CKMT2: variants seen among roughly 807,000 people sequenced by gnomAD.
CKMT2 encodes the protein creatine kinase S-type, mitochondrial.
CKMT2 carries 43 observed loss-of-function variants against 48.9 expected under a neutral mutation model. That is an observed-to-expected ratio of 0.88 (90% CI 0.69 to 1.13). CKMT2 has a LOEUF of 1.13. Among genes scored for constraint, CKMT2 ranks in the 50% most tolerant of loss-of-function variants. The pLI is 0.00. For missense variants in CKMT2, 472 were observed against 555.4 expected, an observed-to-expected ratio of 0.85 and a Z score of 1.51; for synonymous variants, 206 against 213.0, an observed-to-expected ratio of 0.97 and a Z score of 0.29.
intron 1 of CKMT2, among the ~76,000 whole-genome samples, chr5:81,248,700 G>A (rs1391525143): frequency 6.6e-6 from 1 of 152,170 alleles, no homozygotes; most frequent in Admixed American, 6.5e-5. Flanking sequence ...TGAAAGAATT[G>A]TTTGCAGATA....
rs752637525 is a variant in CKMT2, at chr5:81,259,217, G to A, written c.977G>A (p.Arg326Gln). The A allele has an allele frequency of 4.3e-6, 7 of 1,614,064 alleles. No homozygotes were observed. Among genetic ancestry groups the A allele is most frequent in the South Asian group, 1.1e-5 (1 of 91,064 alleles). The change falls in exon 8 of 10, where the codon CGA becomes CAA. Residue 326 changes from arginine (R) to glutamine (Q), a missense_variant. Arg to Gln is a conservative substitution (Grantham distance 43). Transcript: ENST00000254035. ...TCPSNLGTGL[R>Q]AGVHVRIPKL... ...CCTTCGAACCTTGGAACAGGACTAC[G>A]AGCTGGTGTCCACGTTAGGATCCCA... is the stretch of plus-strand genomic sequence containing the variant.
At chr5:81,242,490 T>C in intron 1 of CKMT2, 2 of 496,926 alleles carry the variant, frequency 4.0e-6, no homozygotes, top group South Asian at 1.6e-5. Context: ...TTTCTTGTCA[T>C]CAACCTTAAT....
rs751646251 is a variant in CKMT2 at position 81,266,284 on chromosome 5, A to AATC, written c.*27_*29dup. On this transcript the variant is annotated 3_prime_UTR_variant, in exon 10 of 10. Transcript: ENST00000254035. ...ACTTTCCCTTTCCCAATTTATAAAT[A>AATC]ATCTGTCTGCTGGTACGACAGACAT... 1 of 1,610,266 alleles carries AATC rather than the reference A, an allele frequency of 6.2e-7. No individual in the cohort carries two copies. The highest frequency in any genetic ancestry group is 8.5e-7 in the Non-Finnish European group (1 of 1,177,162).
rs754984187 is a variant in CKMT2 at position 81,259,126 on chromosome 5, C to A, written c.886C>A (p.Arg296=). Residue 296 remains arginine (R), a synonymous_variant, in exon 8 of 10, where the codon CGG becomes AGG. Coordinates refer to ENST00000254035, the MANE Select transcript of CKMT2 (RefSeq NM_001099735.2). Reference sequence around the variant, plus strand: ...ACTGTGGTTCTACTTGTAGGTAGAACGGTTAATCCAAGAACGAGGCTGGGA... The same window carrying A: ...ACTGTGGTTCTACTTGTAGGTAGAAAGGTTAATCCAAGAACGAGGCTGGGA... ...RFCRGLKEVE[R]LIQERGWEFM... is the part of the protein sequence containing the mutation. 10 of 1,611,934 alleles carry A rather than the reference C, an allele frequency of 6.2e-6. No individual in the cohort carries two copies. The African/African-American group carries it at 8.0e-5, about 13-fold the overall frequency.
At position 81,259,770 on chromosome 5, in the gene CKMT2, TAACA is replaced by T. The variant is rs1383457839; in HGVS notation, c.1014+517_1014+520del. 1.1e-3 allele frequency among the ~76,000 whole-genome samples: 163 copies of T among 152,242 alleles called. 1 individual carries two copies. Among genetic ancestry groups the T allele is most frequent in the East Asian group, 1.7e-3 (9 of 5,184 alleles). Reference sequence around the variant, plus strand: ...CAATGAGACTTAGACTCCCACACAATAACAGTGAGAGACTTTAACACCCCATTGT... The same window carrying T: ...CAATGAGACTTAGACTCCCACACAATGTGAGAGACTTTAACACCCCATTGT... On this transcript the variant is annotated intron_variant, in intron 8 of 9. Coordinates refer to ENST00000254035, the MANE Select transcript of CKMT2 (RefSeq NM_001099735.2).
chr5:81,264,584 C>T (rs539451964), intron 9 of CKMT2, among the ~76,000 whole-genome samples: 1 of 152,156 alleles, frequency 6.6e-6, no homozygotes, highest in Non-Finnish European at 1.5e-5. Flanking sequence ...TATAATACCA[C>T]AACTTCTGAA....
chr5:81,234,942 G>A (rs1756205195), intron 1 of CKMT2, among the ~76,000 whole-genome samples: 1 of 152,150 alleles, frequency 6.6e-6, no homozygotes, highest in South Asian at 2.1e-4. Context: ...CACAGAGCCA[G>A]GAATCCAGCA....
chr5:81,260,089 G>T (rs558133763), intron 8 of CKMT2, among the ~76,000 whole-genome samples: 1 of 152,270 alleles, frequency 6.6e-6, no homozygotes, highest in East Asian at 1.9e-4. Context: ...ACGAATACAT[G>T]GAAATTGAAC....
At chr5:81,254,949 ATGGT>A in intron 4 of CKMT2, 40 bp from the exon 5 acceptor site, 1 of 1,540,382 alleles carries the variant, frequency 6.5e-7, no homozygotes, top group Non-Finnish European at 9.0e-7. Flanking sequence ...TGGCAGGACC[ATGGT>A]CCGAGGCTGG....
intron 7 of CKMT2, among the ~76,000 whole-genome samples, chr5:81,258,511 A>G (rs888331092): frequency 2.0e-5 from 3 of 152,130 alleles, no homozygotes; most frequent in Non-Finnish European, 1.5e-5. Context: ...ACTAACATTC[A>G]TCAAGTGCTT....
intron 1 of CKMT2, among the ~76,000 whole-genome samples, chr5:81,234,046 AC>A (rs1288197661): frequency 1.5e-5 from 2 of 133,236 alleles, no homozygotes; most frequent in Non-Finnish European, 3.2e-5. Flanking sequence ...AAAAAAAAAA[AC>A]CTATGGAATT....
At chr5:81,241,346 T>C (rs900783728) in intron 1 of CKMT2, among the ~76,000 whole-genome samples, 2 of 152,344 alleles carry the variant, frequency 1.3e-5, no homozygotes, top group East Asian at 1.9e-4. Flanking sequence ...AGAAAACTTA[T>C]ATTTTGCTGC....
At chr5:81,261,875 T>C (rs1326871847) in intron 8 of CKMT2, among the ~76,000 whole-genome samples, 1 of 152,136 alleles carries the variant, frequency 6.6e-6, no homozygotes, top group Non-Finnish European at 1.5e-5. Flanking sequence ...AAGGAGCGCA[T>C]ATAGCCAAGT....
chr5:81,249,459 A>C (rs1475164437), intron 1 of CKMT2, among the ~76,000 whole-genome samples: 1 of 152,216 alleles, frequency 6.6e-6, no homozygotes, highest in African/African-American at 2.4e-5. Context: ...CTACTCAAAG[A>C]GCCACATTAC....
At chr5:81,243,289 A>G (rs1756498441) in intron 1 of CKMT2, among the ~76,000 whole-genome samples, 6 of 152,230 alleles carry the variant, frequency 3.9e-5, no homozygotes. Context: ...CTGAGAGAGA[A>G]TGCAGTCATC....
Position 81,257,737 on chromosome 5 carries a change from A to C in CKMT2, c.760A>C (p.Asn254His). ...CCATATTTCTCTCTTCATTAGGCAT[A>C]ATTATGATAAGACATTTCTCATCTG... ...DWPDARGIWH[N>H]YDKTFLIWIN... Residue 254 changes from asparagine (N) to histidine (H), a missense_variant, in exon 7 of 10, where the codon AAT becomes CAT. By Grantham distance (68) the Asn-to-His change is moderately conservative. Transcript: ENST00000254035. The C allele has an allele frequency of 6.2e-7, 1 of 1,611,456 alleles. No homozygotes were observed. Among genetic ancestry groups the C allele is most frequent in the Non-Finnish European group, 8.5e-7 (1 of 1,178,612 alleles).
At chr5:81,239,923 C>G (rs192007396) in intron 1 of CKMT2, among the ~76,000 whole-genome samples, 1 of 152,148 alleles carries the variant, frequency 6.6e-6, no homozygotes, top group Non-Finnish European at 1.5e-5. Flanking sequence ...GGGAATAACA[C>G]GAGCACACAG....
intron 8 of CKMT2, among the ~76,000 whole-genome samples, chr5:81,262,101 T>C (rs2112826036): frequency 6.6e-6 from 1 of 152,362 alleles, no homozygotes; most frequent in South Asian, 2.1e-4. Context: ...AAGGATTCCC[T>C]GTTTAATAAA....
rs1451214068 is a variant in CKMT2 at position 81,266,384 on chromosome 5, ACT to A, written c.*130_*131del. The A allele has an allele frequency of 1.2e-6, 1 of 859,358 alleles. No homozygotes were observed. The highest frequency in any genetic ancestry group is 1.8e-6 in the Non-Finnish European group (1 of 569,482). 53.2% of individuals were successfully genotyped at this position (859,358 alleles called of 1,614,324 possible). A position where few individuals can be genotyped will look rare whatever the true frequency, so the allele number is the denominator to read the frequency against. ...AGATCCTGCCTATCTTTACAATAAA[ACT>A]CTCCTTAATATATCTTTGCTTTGTT... On this transcript the variant is annotated 3_prime_UTR_variant, in exon 10 of 10. Coordinates refer to ENST00000254035, the MANE Select transcript of CKMT2 (RefSeq NM_001099735.2).
Sources: allele counts gnomAD v4.1 joint callset (sites outside exome capture counted in the v4.1 genomes callset), GRCh38; gene constraint gnomAD v4.1.1; transcripts MANE v1.5; gene names NCBI Gene and HGNC (gene_info 2026-07-23, HGNC 2026-07-21).